AVEN: variants seen among roughly 807,000 people sequenced by gnomAD.
AVEN encodes the protein apoptosis and caspase activation inhibitor, also known as cell death regulator Aven.
In AVEN, 41 loss-of-function variants were observed where a neutral mutation model predicts 38.1. The observed-to-expected ratio is 1.08, with a 90% CI of 0.84 to 1.40. AVEN has a LOEUF of 1.40. Among genes scored for constraint, AVEN ranks in the 40% most tolerant of loss-of-function variants. The probability of loss-of-function intolerance (pLI) is 0.00; values close to 1 mark genes in which losing one functional copy is unlikely to be tolerated. For synonymous variants in AVEN, 206 were observed against 171.8 expected (o/e 1.20, Z -1.56); for missense variants, 605 against 438.8 (o/e 1.38, Z -3.38).
At chr15:33,947,300 G>A (rs1320936131) in intron 2 of AVEN, among the ~76,000 whole-genome samples, 3 of 152,168 alleles carry the variant, frequency 2.0e-5, no homozygotes, top group Non-Finnish European at 4.4e-5. Context: ...CCCAGCATGA[G>A]GAAGAGAAAA....
At chr15:33,874,452 G>A (rs1891137958) in intron 3 of AVEN, among the ~76,000 whole-genome samples, 1 of 152,022 alleles carries the variant, frequency 6.6e-6, no homozygotes, top group Admixed American at 6.6e-5. Context: ...TGTTTCCTCA[G>A]ACAGGACCTA....
upstream of AVEN, among the ~76,000 whole-genome samples, chr15:34,040,820 G>A (rs1213687607): frequency 6.6e-6 from 1 of 151,490 alleles, no homozygotes; most frequent in East Asian, 1.9e-4. Context: ...GGGAGGCTAA[G>A]ATAGAGAATC....
chr15:34,021,934 A>G (rs1180240365), intron 1 of AVEN, among the ~76,000 whole-genome samples: 1 of 152,252 alleles, frequency 6.6e-6, no homozygotes, highest in East Asian at 1.9e-4. Context: ...GAGCACCCAC[A>G]GCACTTGTGC....
chr15:33,878,531 A>G lies in AVEN; in HGVS notation c.446-2536T>C, dbSNP rs1024176221. 3.5e-4 allele frequency among the ~76,000 whole-genome samples: 53 copies of G among 152,342 alleles called. 1 individual carries two copies. Among genetic ancestry groups the G allele is most frequent in the African/African-American group, 1.2e-3 (49 of 41,580 alleles). Reference sequence around the variant, plus strand: ...ATCAGATATTTAAGTGTTCAGAAAAAAAGGAAATCATAACACTATTACAAG... The same window carrying G: ...ATCAGATATTTAAGTGTTCAGAAAAGAAGGAAATCATAACACTATTACAAG... On this transcript the variant is annotated intron_variant, in intron 2 of 5. Transcript: ENST00000306730.
intron 2 of AVEN, among the ~76,000 whole-genome samples, chr15:33,877,972 A>T (rs1891318032): frequency 6.6e-6 from 1 of 152,166 alleles, no homozygotes; most frequent in Non-Finnish European, 1.5e-5. Flanking sequence ...ATAAATAAAT[A>T]AAACAAAATG....
chr15:34,015,286 A>T (rs763526632), intron 1 of AVEN, among the ~76,000 whole-genome samples: 5 of 152,138 alleles, frequency 3.3e-5, no homozygotes, highest in Non-Finnish European at 7.4e-5. Flanking sequence ...GATCGAGACC[A>T]TCTTGGCTAA....
Position 33,995,949 on chromosome 15 carries a change from G to A in AVEN, c.445+7083C>T, listed in dbSNP as rs547933548. 4.6e-5 allele frequency among the ~76,000 whole-genome samples: 7 copies of A among 152,334 alleles called. No individual in the cohort carries two copies. In the East Asian group the frequency reaches 1.2e-3, roughly 25 times the overall value. ...TAGCCAAGGGAAGCCATGACAGACT[G>A]TACCTGGAAAATCTGGACACTTCCG... On this transcript the variant is annotated intron_variant, in intron 2 of 5. Coordinates refer to ENST00000306730, the MANE Select transcript of AVEN (RefSeq NM_020371.3).
chr15:33,936,956 C>A (rs1003284921), intron 2 of AVEN, among the ~76,000 whole-genome samples: 10 of 145,350 alleles, frequency 6.9e-5, no homozygotes, highest in African/African-American at 2.5e-4. Flanking sequence ...ACAGTGAAAC[C>A]CCATCTCTAC....
chr15:33,862,204 G>C (rs1191110633), downstream of AVEN, among the ~76,000 whole-genome samples: 1 of 151,702 alleles, frequency 6.6e-6, no homozygotes, highest in Non-Finnish European at 1.5e-5. Context: ...CTATTTTGTA[G>C]CTTAGAGAGT....
chr15:33,852,528 T>C, the AVEN span: 9 of 155,396 alleles, frequency 5.8e-5, no homozygotes, highest in Admixed American at 5.6e-4. Context: ...AACACTCAGC[T>C]TAAAAAATCC....
intron 2 of AVEN, among the ~76,000 whole-genome samples, chr15:33,879,890 A>G (rs1891412718): frequency 6.6e-6 from 1 of 152,210 alleles, no homozygotes; most frequent in Non-Finnish European, 1.5e-5. Flanking sequence ...TATAAAGAGA[A>G]CTATTCAGAG....
chr15:33,949,114 C>T (rs574078623), intron 2 of AVEN, among the ~76,000 whole-genome samples: 1 of 152,318 alleles, frequency 6.6e-6, no homozygotes, highest in African/African-American at 2.4e-5. Flanking sequence ...ACCTCCGCTT[C>T]CCAGGTTCAG....
intron 2 of AVEN, among the ~76,000 whole-genome samples, chr15:33,969,723 A>G (rs1895546491): frequency 6.6e-6 from 1 of 152,038 alleles, no homozygotes; most frequent in East Asian, 1.9e-4. Flanking sequence ...AAGATACTAG[A>G]CATTTTTATA....
chr15:34,013,511 T>C (rs1434904405), intron 1 of AVEN, among the ~76,000 whole-genome samples: 1 of 152,234 alleles, frequency 6.6e-6, no homozygotes, highest in Admixed American at 6.5e-5. Context: ...TTTTGCTCCT[T>C]GCACCACTAA....
chr15:34,039,931 C>A (rs1899394195), upstream of AVEN, among the ~76,000 whole-genome samples: 1 of 152,104 alleles, frequency 6.6e-6, no homozygotes, highest in Admixed American at 6.5e-5. Flanking sequence ...AAGGAGAAAA[C>A]AGGAAGGGGA....
At chr15:34,061,906 G>A (rs1027633089) in intron 5 of AVEN, among the ~76,000 whole-genome samples, 1 of 152,180 alleles carries the variant, frequency 6.6e-6, no homozygotes, top group Non-Finnish European at 1.5e-5. Context: ...CTATAGAATA[G>A]ATACCACTTT....
downstream of AVEN, chr15:33,857,756 C>T (rs2079847380): frequency 6.2e-7 from 1 of 1,613,590 alleles, no homozygotes; most frequent in Non-Finnish European, 8.5e-7. Context: ...ACTCCTTTTC[C>T]TTTCTCTGTC....
chr15:33,876,691 G>C (rs1415201446), intron 2 of AVEN, among the ~76,000 whole-genome samples: 1 of 152,128 alleles, frequency 6.6e-6, no homozygotes, highest in East Asian at 1.9e-4. Flanking sequence ...CTTTAGAAGA[G>C]GTTATCAGCC....
chr15:33,951,189 C>T (rs1894728789), intron 2 of AVEN, among the ~76,000 whole-genome samples: 1 of 152,066 alleles, frequency 6.6e-6, no homozygotes, highest in African/African-American at 2.4e-5. Context: ...CTATGCGCAG[C>T]ACCAAAACGT....
Sources: gnomAD v4.1 joint callset for allele counts (sites outside exome capture counted in the v4.1 genomes callset) on GRCh38, gnomAD v4.1.1 for gene constraint, MANE v1.5 for transcripts, NCBI Gene and HGNC (gene_info 2026-07-23, HGNC 2026-07-21) for gene names.